Variants in ELAPOR2 observed in about 807,000 individuals in gnomAD.
ELAPOR2 encodes the protein endosome-lysosome associated apoptosis and autophagy regulator family member 2.
In ELAPOR2, 89 loss-of-function variants were observed where a neutral mutation model predicts 120.7. The observed-to-expected ratio is 0.74, with a 90% CI of 0.62 to 0.88. The LOEUF (loss-of-function observed/expected upper bound fraction) is 0.88. Among genes scored for constraint, ELAPOR2 ranks in the 40% least tolerant of loss-of-function variants. The probability of loss-of-function intolerance (pLI) is 0.00; values close to 1 mark genes in which losing one functional copy is unlikely to be tolerated. For synonymous variants in ELAPOR2, 444 were observed against 444.9 expected (o/e 1.00, Z 0.03); for missense variants, 1,134 against 1,251.6 (o/e 0.91, Z 1.42).
Position 86,922,956 on chromosome 7 carries a change from T to A in ELAPOR2, c.1399+2572A>T, listed in dbSNP as rs372862775. 2.6e-5 allele frequency among the ~76,000 whole-genome samples: 4 copies of A among 151,952 alleles called. No individual in the cohort carries two copies. The East Asian group carries it at 5.8e-4, about 22-fold the overall frequency. The stretch of plus-strand genomic sequence containing the variant: ...GAATATTAAATACAGTAAACCAAAT[T>A]TAAAAATAAAGTAATTCATATTTCA... On this transcript the variant is annotated intron_variant, in intron 10 of 21. Coordinates refer to ENST00000450689, the MANE Select transcript of ELAPOR2 (RefSeq NM_001142749.3).
intron 1 of ELAPOR2, among the ~76,000 whole-genome samples, chr7:87,045,584 A>T (rs1794927180): frequency 6.7e-6 from 1 of 149,300 alleles, no homozygotes; most frequent in Admixed American, 6.7e-5. Context: ...CAGGAAGGGG[A>T]ATATCACACT....
intron 17 of ELAPOR2, 117 bp from the exon 18 acceptor site, chr7:86,907,888 A>C: frequency 2.0e-6 from 1 of 497,768 alleles, no homozygotes; most frequent in Non-Finnish European, 3.4e-6. Context: ...AAATGTATTA[A>C]AGTTCACTAA....
chr7:86,898,559 CAAAAAAAAAAAAA>C (rs11418158), intron 18 of ELAPOR2, among the ~76,000 whole-genome samples: 1 of 66,600 alleles, frequency 1.5e-5, no homozygotes, highest in South Asian at 7.9e-4. Context: ...ACACAATGAC[CAAAAAAAAAAAAA>C]AAAAAAAAGG....
At chr7:87,022,728 T>A (rs575820325) in intron 1 of ELAPOR2, among the ~76,000 whole-genome samples, 2,327 of 150,752 alleles carry the variant, frequency 0.015, 66 homozygotes, top group African/African-American at 0.054. Context: ...CTCCACATCC[T>A]CTCCAGCACC....
chr7:86,924,658 T>G (rs1329929533), intron 10 of ELAPOR2, among the ~76,000 whole-genome samples: 2 of 152,038 alleles, frequency 1.3e-5, no homozygotes, highest in Non-Finnish European at 2.9e-5. Context: ...TCTTTTCCTC[T>G]TTCACTCATC....
Position 87,059,608 on chromosome 7 carries a change from G to C in ELAPOR2, c.-95C>G, listed in dbSNP as rs1372951764. The C allele has an allele frequency of 9.1e-7, 1 of 1,103,866 alleles. No homozygotes were observed. The highest frequency in any genetic ancestry group is 1.1e-6 in the Non-Finnish European group (1 of 905,612). The allele number at this position is 1,103,866 out of a possible 1,614,324, so 68.4% of individuals were successfully genotyped here. A position where few individuals can be genotyped will look rare whatever the true frequency, so the allele number is the denominator to read the frequency against. ...CCCGGGCCGCGACTGCTGTGCGCTC[G>C]TCTCGCCGCTCCGTCACCCGCTGCC... On this transcript the variant is annotated 5_prime_UTR_variant, in exon 1 of 22. Coordinates refer to ENST00000450689, the MANE Select transcript of ELAPOR2 (RefSeq NM_001142749.3).
At chr7:86,980,697 T>G (rs368370716) in intron 1 of ELAPOR2, among the ~76,000 whole-genome samples, 3 of 152,164 alleles carry the variant, frequency 2.0e-5, no homozygotes, top group African/African-American at 7.2e-5. Context: ...TAAAGGATCC[T>G]TCCTACTCTC....
At chr7:87,058,547 G>A (rs904657701) in intron 1 of ELAPOR2, among the ~76,000 whole-genome samples, 48 of 152,056 alleles carry the variant, frequency 3.2e-4, no homozygotes, top group African/African-American at 1.1e-3. Flanking sequence ...ACACTGTCTC[G>A]TTCTTCTAAA....
chr7:86,946,686 G>A (rs1791023706), intron 3 of ELAPOR2, among the ~76,000 whole-genome samples: 1 of 152,120 alleles, frequency 6.6e-6, no homozygotes, highest in African/African-American at 2.4e-5. Flanking sequence ...CGCCGCACTG[G>A]CCCAGACTCA....
In ELAPOR2 at chr7:86,897,617, A is replaced by G. The variant is rs778571019; in HGVS notation, c.2574T>C (p.Gly858=). The G allele has an allele frequency of 6.2e-7, 1 of 1,613,260 alleles. No homozygotes were observed. The highest frequency in any genetic ancestry group is 8.5e-7 in the Non-Finnish European group (1 of 1,179,442). ...VISVPSKCPA[G]TCDGCTFYFL... ...AATAGAACGTACACCCATCACAGGT[A>G]CCTGCTGGGCACTTGCTAAAATCAT... is the stretch of plus-strand genomic sequence containing the variant. Residue 858 remains glycine (G), a synonymous_variant, in exon 19 of 22, where the codon GGT becomes GGC. Transcript: ENST00000450689.
intron 1 of ELAPOR2, among the ~76,000 whole-genome samples, chr7:86,976,009 G>T (rs561931183): frequency 1.3e-5 from 2 of 152,268 alleles, no homozygotes; most frequent in East Asian, 3.9e-4. Flanking sequence ...TGGGAGAGGG[G>T]AAATGGGATC....
intron 5 of ELAPOR2, 132 bp downstream of exon 5, chr7:86,941,886 G>T (rs910172379): frequency 3.2e-5 from 18 of 561,578 alleles, no homozygotes; most frequent in Non-Finnish European, 5.1e-5. Context: ...AGTTAATTTT[G>T]ATATTTTTTC....
chr7:87,010,018 T>G (rs1793604585), intron 1 of ELAPOR2, among the ~76,000 whole-genome samples: 2 of 152,164 alleles, frequency 1.3e-5, no homozygotes, highest in Non-Finnish European at 2.9e-5. Flanking sequence ...AAGTCCAAGT[T>G]CAAACCATTC....
intron 18 of ELAPOR2, among the ~76,000 whole-genome samples, chr7:86,906,592 A>C (rs1171952029): frequency 1.3e-5 from 2 of 152,136 alleles, no homozygotes; most frequent in Non-Finnish European, 2.9e-5. Context: ...AAAATCTCCC[A>C]AGGGTTACTG....
Position 86,909,856 on chromosome 7 carries a change from G to C in ELAPOR2, c.2315C>G (p.Ala772Gly). ...AATGATGGATTGTGATGATAAGGCT[G>C]CTCGGAAACCCTTACTTTCAGAAGG... ...IIPSESKGFR[A>G]ALSSQSIILA... Residue 772 changes from alanine to glycine, a missense_variant, in exon 16 of 22, where the codon GCA becomes GGA. Physicochemically the swap from Ala to Gly is moderately conservative, Grantham distance 60 (BLOSUM62 0). Coordinates refer to ENST00000450689, the MANE Select transcript of ELAPOR2 (RefSeq NM_001142749.3). The C allele has an allele frequency of 6.2e-7, 1 of 1,613,154 alleles. No homozygotes were observed. Among genetic ancestry groups the C allele is most frequent in the Non-Finnish European group, 8.5e-7 (1 of 1,179,480 alleles).
chr7:87,052,795 T>TGTTTTG (rs1375410579), intron 1 of ELAPOR2, among the ~76,000 whole-genome samples: 2 of 150,460 alleles, frequency 1.3e-5, no homozygotes, highest in Non-Finnish European at 2.9e-5. Flanking sequence ...TGTTTTGTTT[T>TGTTTTG]GTTTTGTTTT....
At chr7:86,895,369 T>C (rs1338543277) in intron 19 of ELAPOR2, among the ~76,000 whole-genome samples, 6 of 152,134 alleles carry the variant, frequency 3.9e-5, no homozygotes, top group African/African-American at 1.2e-4. Context: ...GTAAGGTCTA[T>C]GAACTCAGGA....
rs73196609 is a variant in ELAPOR2, at chr7:86,897,476, G to A, written c.2685+30C>T. The A allele has an allele frequency of 2.1e-3, 3,351 of 1,601,038 alleles. 2 individuals are homozygous for A. Among genetic ancestry groups the A allele is most frequent in the Non-Finnish European group, 2.6e-3 (3,018 of 1,173,546 alleles). ...TGCCAGATTAACCAACTATAATGCC[G>A]AAGCTCTGCCTTGAGAGTTTATCCC... is the stretch of plus-strand genomic sequence containing the variant. On this transcript the variant is annotated intron_variant, in intron 19 of 21. Coordinates refer to ENST00000450689, the MANE Select transcript of ELAPOR2 (RefSeq NM_001142749.3).
chr7:86,992,918 A>G (rs186470062), intron 1 of ELAPOR2, among the ~76,000 whole-genome samples: 30 of 152,288 alleles, frequency 2.0e-4, no homozygotes, highest in African/African-American at 7.2e-4. Context: ...AACAACTATA[A>G]AAACTACAGA....
Sources: gnomAD v4.1 joint callset for allele counts (sites outside exome capture counted in the v4.1 genomes callset) on GRCh38, gnomAD v4.1.1 for gene constraint, MANE v1.5 for transcripts, NCBI Gene and HGNC (gene_info 2026-07-23, HGNC 2026-07-21) for gene names.